The following ERICH2 variants were observed in gnomAD, a reference collection of about 807,000 sequenced individuals.
ERICH2 encodes the protein glutamate rich 2.
A neutral mutation model predicts 17.4 loss-of-function variants in ERICH2; 17 were observed. The ratio of observed to expected loss-of-function variants is 0.98; its 90% CI spans 0.67 to 1.47. The LOEUF (loss-of-function observed/expected upper bound fraction) is 1.47, where lower values mean the gene tolerates loss of function less well. ERICH2 is among the 40% of genes most tolerant of loss of function. The pLI, the probability that ERICH2 is intolerant of heterozygous loss-of-function variation, is 0.00. For synonymous variants in ERICH2, 51 were observed against 61.1 expected (o/e 0.83, Z 0.77); for missense variants, 186 against 183.2 (o/e 1.01, Z -0.09).
upstream of ERICH2, among the ~76,000 whole-genome samples, chr2:170,780,377 G>A (rs1304511335): frequency 6.6e-6 from 1 of 152,118 alleles, no homozygotes; most frequent in Admixed American, 6.6e-5. Flanking sequence ...CATAGAAAGT[G>A]AACAGAAAAG....
At chr2:170,780,338 C>T (rs1168191564), upstream of ERICH2, among the ~76,000 whole-genome samples, 5 of 152,106 alleles carry the variant, frequency 3.3e-5, no homozygotes. Flanking sequence ...CTTTGGGCCT[C>T]CGATTCTTTG....
chr2:170,797,279 G>A (rs1202516485), intron 3 of ERICH2, among the ~76,000 whole-genome samples: 1 of 152,182 alleles, frequency 6.6e-6, no homozygotes, highest in Non-Finnish European at 1.5e-5. Flanking sequence ...TCTGTGTTCC[G>A]ATGAGACCTT....
Position 170,797,811 on chromosome 2 carries a change from A to AG in ERICH2, c.275-230_275-229insG, listed in dbSNP as rs879056432. ...TGTCTCAGGGAAAAAAAAAAAAAAA[A>AG]AAAGAAAGAAAGAAAATATAGTGAG... On this transcript the variant is annotated intron_variant, in intron 3 of 4. Coordinates refer to ENST00000409885, the Ensembl canonical transcript of ERICH2. Among the ~76,000 whole-genome samples, 220 of 136,746 alleles carry AG rather than the reference A, an allele frequency of 1.6e-3. 1 individual carries two copies. The highest frequency in any genetic ancestry group is 3.6e-3 in the East Asian group (17 of 4,742). The allele number at this position is 136,746 out of a possible 152,430, so 89.7% of individuals were successfully genotyped here.
At chr2:170,783,772 G>A, upstream of ERICH2, 1 of 1,549,420 alleles carries the variant, frequency 6.5e-7, no homozygotes, top group Non-Finnish European at 8.7e-7. Context: ...CTCCCTTGGT[G>A]ACATCAGTGC....
the ERICH2 span, among the ~76,000 whole-genome samples, chr2:170,773,014 G>GT: frequency 6.6e-6 from 1 of 152,240 alleles, no homozygotes; most frequent in African/African-American, 2.4e-5. Context: ...AGGTGTTTTT[G>GT]TTTTTTTGTT....
chr2:170,778,704 A>G, the ERICH2 span, among the ~76,000 whole-genome samples: 1 of 152,172 alleles, frequency 6.6e-6, no homozygotes, highest in Non-Finnish European at 1.5e-5. Flanking sequence ...ATGGTTGAAA[A>G]CATTTAATAA....
intron 3 of ERICH2, among the ~76,000 whole-genome samples, chr2:170,796,371 A>G (rs1701415383): frequency 6.6e-6 from 1 of 151,230 alleles, no homozygotes; most frequent in African/African-American, 2.4e-5. Context: ...GTGGGATCCT[A>G]TGAGCCAATG....
At chr2:170,796,610 A>AT (rs956529556) in intron 3 of ERICH2, among the ~76,000 whole-genome samples, 2 of 151,618 alleles carry the variant, frequency 1.3e-5, no homozygotes, top group African/African-American at 4.8e-5. Flanking sequence ...TAATTTTTGT[A>AT]TTTTTTTGTA....
chr2:170,798,183 C>T lies in ERICH2; in HGVS notation c.346+71C>T, dbSNP rs17700577. ...CAGTCACTTTAAAAACCCATTATCC[C>T]GGGAGATTGTCGATACATCTTTAGG... On this transcript the variant is annotated intron_variant, in intron 4 of 4. Transcript: ENST00000409885. The T allele has an allele frequency of 1.1e-4, 119 of 1,034,994 alleles. 1 individual carries two copies. In the East Asian group the frequency reaches 2.2e-3, roughly 19 times the overall value. 64.1% of individuals were successfully genotyped at this position (1,034,994 alleles called of 1,614,324 possible).
At chr2:170,784,284 G>A (rs1701097339) in intron 1 of ERICH2, among the ~76,000 whole-genome samples, 1 of 152,104 alleles carries the variant, frequency 6.6e-6, no homozygotes, top group Admixed American at 6.6e-5. Flanking sequence ...TTTAATAGAA[G>A]TATATTTATT....
chr2:170,795,354 A>T (rs527924144), intron 3 of ERICH2, among the ~76,000 whole-genome samples: 1 of 151,564 alleles, frequency 6.6e-6, no homozygotes. Context: ...AAGTATTATT[A>T]TTACTATTTT....
exon 5 of ERICH2, chr2:170,798,826 G>A (rs1701492747): frequency 6.4e-7 from 1 of 1,550,572 alleles, no homozygotes; most frequent in African/African-American, 1.4e-5. Flanking sequence ...CAGCAGTGGT[G>A]AGAGTAAAGG....
rs185780952 is a variant in ERICH2, at chr2:170,798,935, T to C, written c.*41T>C. The C allele has an allele frequency of 7.4e-4, 1,142 of 1,542,574 alleles. 2 individuals carry two copies. Among genetic ancestry groups the C allele is most frequent in the Non-Finnish European group, 9.3e-4 (1,059 of 1,141,656 alleles). On this transcript the variant is annotated 3_prime_UTR_variant, in exon 5 of 5. Transcript: ENST00000409885. ...TTGAAGCTTCATGTATTTTCATTAA[T>C]GTATACCATGCAAATATAAAGACAA... is the stretch of plus-strand genomic sequence containing the variant.
the ERICH2 span, among the ~76,000 whole-genome samples, chr2:170,774,944 T>C: frequency 6.6e-6 from 1 of 152,014 alleles, no homozygotes; most frequent in Non-Finnish European, 1.5e-5. Context: ...GGAGATGAAA[T>C]GGACATTTCC....
intron 2 of ERICH2, among the ~76,000 whole-genome samples, chr2:170,791,845 A>C (rs1012875294): frequency 1.3e-5 from 2 of 152,158 alleles, no homozygotes; most frequent in Non-Finnish European, 2.9e-5. Context: ...CATGGGAGAA[A>C]TTGAGAAAAC....
intron 2 of ERICH2, 33 bp from the exon 8 acceptor site, chr2:170,792,830 A>G (rs1173929696): frequency 2.2e-6 from 3 of 1,392,210 alleles, no homozygotes; most frequent in East Asian, 5.2e-5. Context: ...CAACATTTAA[A>G]TTCACTTATC....
At chr2:170,796,452 T>TTTTTTTTTTTTTTTTTTTTC (rs373654461) in intron 3 of ERICH2, among the ~76,000 whole-genome samples, 1 of 138,332 alleles carries the variant, frequency 7.2e-6, no homozygotes, top group Non-Finnish European at 1.6e-5. Context: ...TTTTTTTTTT[T>TTTTTTTTTTTTTTTTTTTTC]TGAGACAGCG....
chr2:170,794,865 C>G lies in ERICH2; in HGVS notation c.274+1945C>G, dbSNP rs939248191. 2.0e-5 allele frequency among the ~76,000 whole-genome samples: 3 copies of G among 152,230 alleles called. No individual in the cohort carries two copies. In the South Asian group the frequency reaches 6.2e-4, roughly 32 times the overall value. Reference sequence around the variant, plus strand: ...ATTGGCTCATTTTACAAATTGGTTTCTTGAATACTTCAACACTTCCTATCT... The same window carrying G: ...ATTGGCTCATTTTACAAATTGGTTTGTTGAATACTTCAACACTTCCTATCT... On this transcript the variant is annotated intron_variant, in intron 3 of 4. Transcript: ENST00000409885.
intron 3 of ERICH2, among the ~76,000 whole-genome samples, chr2:170,797,344 C>G (rs889070425): frequency 2.0e-5 from 3 of 152,200 alleles, no homozygotes; most frequent in Non-Finnish European, 4.4e-5. Context: ...GATTAACAGA[C>G]CTCTAGGCAC....
Sources: gnomAD v4.1 joint callset for allele counts (sites outside exome capture counted in the v4.1 genomes callset) on GRCh38, gnomAD v4.1.1 for gene constraint, MANE v1.5 for transcripts, NCBI Gene and HGNC (gene_info 2026-07-23, HGNC 2026-07-21) for gene names.